The following PTPRE variants were observed in gnomAD, a reference collection of about 807,000 sequenced individuals.
PTPRE encodes the protein protein tyrosine phosphatase receptor type E.
A neutral mutation model predicts 102.0 loss-of-function variants in PTPRE; 51 were observed. The ratio of observed to expected loss-of-function variants is 0.50; its 90% confidence interval spans 0.40 to 0.63. The LOEUF (loss-of-function observed/expected upper bound fraction) is 0.63. Among genes scored for constraint, PTPRE ranks in the 30% least tolerant of loss-of-function variants. The pLI, the probability that PTPRE is intolerant of heterozygous loss-of-function variation, is 0.00. For synonymous variants in PTPRE, 345 were observed against 348.2 expected, an observed-to-expected ratio of 0.99 and a Z score of 0.10; for missense variants, 752 against 915.1, an observed-to-expected ratio of 0.82 and a Z score of 2.30.
At chr10:128,036,843 G>A (rs1373165136) in intron 2 of PTPRE, among the ~76,000 whole-genome samples, 1 of 152,150 alleles carries the variant, frequency 6.6e-6, no homozygotes, top group African/African-American at 2.4e-5. Flanking sequence ...ATAAAAGGTG[G>A]GAGGTCTGGG....
At chr10:127,991,500 T>C (rs952028547) in intron 2 of PTPRE, among the ~76,000 whole-genome samples, 6 of 152,230 alleles carry the variant, frequency 3.9e-5, no homozygotes, top group Admixed American at 6.5e-5. Context: ...ACCTAGGCTC[T>C]TAAGACACGG....
intron 5 of PTPRE, among the ~76,000 whole-genome samples, chr10:128,048,516 A>C (rs1848281607): frequency 6.6e-6 from 1 of 152,040 alleles, no homozygotes; most frequent in African/African-American, 2.4e-5. Flanking sequence ...ACTAAAATAG[A>C]CTCTTAAAAC....
chr10:128,043,976 T>C lies in PTPRE; in HGVS notation c.109+2986T>C, dbSNP rs1035546145. Among the ~76,000 whole-genome samples, 7 of 152,262 alleles carry C rather than the reference T, an allele frequency of 4.6e-5. No individual in the cohort carries two copies. In the South Asian group the frequency reaches 1.5e-3, roughly 32 times the overall value. ...ACTTCACAATTATAATCAGTATCATTTTTTTTCTTTCTTAGTGGTTCTTAA... is the reference window on the plus strand; with the variant it reads ...ACTTCACAATTATAATCAGTATCATCTTTTTTCTTTCTTAGTGGTTCTTAA... On this transcript the variant is annotated intron_variant, in intron 3 of 20. Transcript: ENST00000254667.
intron 1 of PTPRE, among the ~76,000 whole-genome samples, chr10:127,949,518 A>G (rs1378285268): frequency 6.6e-6 from 1 of 152,144 alleles, no homozygotes; most frequent in African/African-American, 2.4e-5. Context: ...AAATACATCC[A>G]TACTCCTAAT....
intron 6 of PTPRE, among the ~76,000 whole-genome samples, chr10:128,052,590 G>A (rs1161365358): frequency 1.3e-5 from 2 of 152,128 alleles, no homozygotes; most frequent in Non-Finnish European, 2.9e-5. Context: ...ACCCTGCACT[G>A]GTAGAACACC....
At chr10:128,079,787 G>T in intron 20 of PTPRE, 92 bp downstream of exon 20, 5 of 1,440,924 alleles carry the variant, frequency 3.5e-6, no homozygotes, top group Non-Finnish European at 4.7e-6. Flanking sequence ...TTAAGTACAT[G>T]GGGGAGGTGG....
intron 1 of PTPRE, among the ~76,000 whole-genome samples, chr10:127,910,422 A>G (rs1375235758): frequency 6.6e-6 from 1 of 152,182 alleles, no homozygotes; most frequent in East Asian, 1.9e-4. Context: ...TTGGTTCCAT[A>G]GAACGTTATT....
chr10:128,025,324 G>T (rs966502546), intron 2 of PTPRE, among the ~76,000 whole-genome samples: 1 of 152,162 alleles, frequency 6.6e-6, no homozygotes, highest in African/African-American at 2.4e-5. Context: ...TAACTCCCCA[G>T]TGAGGACCCA....
chr10:128,060,331 C>T (rs1324397506), intron 7 of PTPRE, among the ~76,000 whole-genome samples: 1 of 152,138 alleles, frequency 6.6e-6, no homozygotes, highest in African/African-American at 2.4e-5. Flanking sequence ...GCCTTCTACC[C>T]CGGAAAACTG....
intron 2 of PTPRE, among the ~76,000 whole-genome samples, chr10:128,014,591 C>T (rs4290142): frequency 0.035 from 5,318 of 152,064 alleles, 309 homozygotes; most frequent in African/African-American, 0.12. Context: ...AAGACTGAAC[C>T]AAATTAAAAA....
chr10:127,980,232 A>G (rs1851497610), intron 1 of PTPRE, among the ~76,000 whole-genome samples: 1 of 152,120 alleles, frequency 6.6e-6, no homozygotes, highest in Non-Finnish European at 1.5e-5. Context: ...ATGTTACTCA[A>G]CAGATTTTCC....
Position 127,907,654 on chromosome 10 carries a change from C to G in PTPRE, c.-31+345C>G, listed in dbSNP as rs1310479930. On this transcript the variant is annotated intron_variant, in intron 1 of 20. Coordinates refer to ENST00000254667, the MANE Select transcript of PTPRE (RefSeq NM_006504.6). The surrounding 1 kb of genome is among the most constrained non-coding windows in gnomAD (Gnocchi z 4.8). ...TGCGCGGGGGCCGGCGGCAGGGCGG[C>G]GTACGTGAAAGCGGGCGACACAGAG... is the stretch of plus-strand genomic sequence containing the variant. 1.3e-5 allele frequency among the ~76,000 whole-genome samples: 2 copies of G among 152,066 alleles called. No homozygotes were observed. Among genetic ancestry groups the G allele is most frequent in the African/African-American group, 2.4e-5 (1 of 41,420 alleles).
intron 1 of PTPRE, among the ~76,000 whole-genome samples, chr10:127,930,061 CAAAAAAAAAAA>C (rs941241176): frequency 1.4e-5 from 1 of 72,890 alleles, no homozygotes; most frequent in South Asian, 4.7e-4. Flanking sequence ...GATTCCATCT[CAAAAAAAAAAA>C]AAAAAAAAGA....
At chr10:127,918,573 A>AAAAAAAAAAAAAAG (rs1454404446) in intron 1 of PTPRE, among the ~76,000 whole-genome samples, 58 of 152,032 alleles carry the variant, frequency 3.8e-4, no homozygotes, top group African/African-American at 1.4e-3. Context: ...AAAAAAAAAA[A>AAAAAAAAAAAAAAG]AGAGAGAAAA....
intron 7 of PTPRE, among the ~76,000 whole-genome samples, chr10:128,060,560 A>G (rs577967343): frequency 3.3e-5 from 5 of 152,082 alleles, no homozygotes; most frequent in Non-Finnish European, 7.4e-5. Flanking sequence ...ACACTTGGCA[A>G]CACTGGGGCT....
At chr10:128,041,305 C>T (rs1299256780) in intron 3 of PTPRE, among the ~76,000 whole-genome samples, 1 of 152,094 alleles carries the variant, frequency 6.6e-6, no homozygotes, top group African/African-American at 2.4e-5. Context: ...AGAAAACCAA[C>T]CATGAACATA....
At chr10:127,968,991 C>A (rs955304467) in intron 1 of PTPRE, among the ~76,000 whole-genome samples, 4 of 152,236 alleles carry the variant, frequency 2.6e-5, no homozygotes, top group African/African-American at 9.6e-5. Flanking sequence ...GTGTTACATT[C>A]TAAGACAACT....
intron 2 of PTPRE, among the ~76,000 whole-genome samples, chr10:128,040,161 C>T (rs1360013044): frequency 6.6e-6 from 1 of 152,162 alleles, no homozygotes; most frequent in Non-Finnish European, 1.5e-5. Context: ...AGCTTACCTC[C>T]ACTTCACCTG....
At chr10:127,921,678 C>T (rs76352822) in intron 1 of PTPRE, among the ~76,000 whole-genome samples, 5,904 of 152,282 alleles carry the variant, frequency 0.039, 141 homozygotes, top group Middle Eastern at 0.088. Flanking sequence ...AGGGGAGGTT[C>T]CCGAGAGCCT....
Sources: gnomAD v4.1 joint callset for allele counts (sites outside exome capture counted in the v4.1 genomes callset) on GRCh38, gnomAD v4.1.1 for gene constraint, Gnocchi (gnomAD v3.1) non-coding constraint, MANE v1.5 for transcripts, NCBI Gene and HGNC (gene_info 2026-07-23, HGNC 2026-07-21) for gene names.